SHISAL1: variants seen among roughly 807,000 people sequenced by gnomAD.
SHISAL1 encodes protein shisa-like-1.
SHISAL1 carries 9 observed loss-of-function variants against 22.6 expected under a neutral mutation model. The ratio of observed to expected loss-of-function variants is 0.40; its 90% CI spans 0.24 to 0.70. SHISAL1 has a LOEUF of 0.70. Ranked by LOEUF, SHISAL1 falls within the 30% of genes least tolerant of loss-of-function variation. The probability of loss-of-function intolerance (pLI) is 0.39; values close to 1 mark genes in which losing one functional copy is unlikely to be tolerated. For missense variants in SHISAL1, 246 were observed against 270.6 expected, an observed-to-expected ratio of 0.91 and a Z score of 0.64; for synonymous variants, 119 against 115.4, an observed-to-expected ratio of 1.03 and a Z score of -0.20.
rs113605266 is a variant in SHISAL1 at position 44,281,903 on chromosome 22, C to T, written c.599+3525G>A. The stretch of plus-strand genomic sequence containing the variant: ...GCTCCTAACTCAGTTATAAATCCCA[C>T]GGGCGGGGGACGGCACAACGCCCCA... On this transcript the variant is annotated intron_variant, in intron 4 of 4. Coordinates refer to ENST00000381176, the MANE Select transcript of SHISAL1 (RefSeq NM_001099294.2). Among the ~76,000 whole-genome samples, 14 of 152,218 alleles carry T rather than the reference C, an allele frequency of 9.2e-5. No individual in the cohort carries two copies. In the East Asian group the frequency reaches 1.5e-3, roughly 17 times the overall value.
chr22:44,279,852 G>A (rs2055264222), intron 4 of SHISAL1, among the ~76,000 whole-genome samples: 1 of 152,220 alleles, frequency 6.6e-6, no homozygotes, highest in African/African-American at 2.4e-5. Context: ...CCAGGAACTT[G>A]CTATAAATGC....
chr22:44,322,032 C>T, the SHISAL1 span, among the ~76,000 whole-genome samples: 1 of 152,120 alleles, frequency 6.6e-6, no homozygotes, highest in African/African-American at 2.4e-5. Flanking sequence ...ACCCTGAGGC[C>T]CCACACCAGC....
intron 4 of SHISAL1, among the ~76,000 whole-genome samples, chr22:44,268,224 T>A (rs2055178331): frequency 6.6e-6 from 1 of 152,218 alleles, no homozygotes; most frequent in African/African-American, 2.4e-5. Context: ...AGACATTAAA[T>A]GCCACAAAGT....
At chr22:44,292,005 C>T (rs544365810) in intron 3 of SHISAL1, among the ~76,000 whole-genome samples, 32 of 152,340 alleles carry the variant, frequency 2.1e-4, no homozygotes, top group African/African-American at 6.5e-4. Context: ...GGCATCTCGC[C>T]GTGGTAGTGG....
At chr22:44,324,155 C>T in the SHISAL1 span, among the ~76,000 whole-genome samples, 2 of 152,286 alleles carry the variant, frequency 1.3e-5, no homozygotes, top group Admixed American at 1.3e-4. Context: ...GCCTCAAATC[C>T]TCACAAGCCA....
At chr22:44,326,816 C>G in the SHISAL1 span, among the ~76,000 whole-genome samples, 1 of 152,062 alleles carries the variant, frequency 6.6e-6, no homozygotes, top group Admixed American at 6.5e-5. Context: ...TCAGCTTCTG[C>G]TTCTGTGGAT....
intron 4 of SHISAL1, among the ~76,000 whole-genome samples, chr22:44,261,357 C>T (rs555405792): frequency 6.6e-6 from 1 of 152,104 alleles, no homozygotes; most frequent in East Asian, 1.9e-4. Flanking sequence ...CCTACACATC[C>T]TTCAAGACCT....
rs1601768526 is a variant in SHISAL1 at position 44,245,124 on chromosome 22, C to T, written c.*4561G>A. On this transcript the variant is annotated 3_prime_UTR_variant, in exon 5 of 5. Coordinates refer to ENST00000381176, the MANE Select transcript of SHISAL1 (RefSeq NM_001099294.2). The stretch of plus-strand genomic sequence containing the variant: ...CCCAGTGCTGTGGGGGCCAAGCAGA[C>T]ACCCTCTGATGCCCACCACGTGAGC... The T allele has an allele frequency of 6.6e-6, 1 of 152,270 alleles. No individual in the cohort carries two copies. The highest frequency in any genetic ancestry group is 2.4e-5 in the African/African-American group (1 of 41,464). The allele number at this position is 152,270 out of a possible 1,614,324, so 9.4% of individuals were successfully genotyped here.
Position 44,302,005 on chromosome 22 carries a change from A to T in SHISAL1, c.-32-1028T>A, listed in dbSNP as rs536104238. ...AGGTGCATGGTGGGGAGGGTCGCAC[A>T]ACACTGAATTTACTCAATGCCACTG... On this transcript the variant is annotated intron_variant, in intron 1 of 4. Transcript: ENST00000381176. 2.0e-5 allele frequency among the ~76,000 whole-genome samples: 3 copies of T among 152,258 alleles called. No homozygotes were observed. The South Asian group carries it at 6.2e-4, about 32-fold the overall frequency.
intron 1 of SHISAL1, among the ~76,000 whole-genome samples, chr22:44,305,986 C>T (rs1348702018): frequency 6.6e-6 from 1 of 152,192 alleles, no homozygotes; most frequent in African/African-American, 2.4e-5. Context: ...ACCCGCCGTG[C>T]GTCACGAGAA....
intron 4 of SHISAL1, among the ~76,000 whole-genome samples, chr22:44,258,800 AG>A (rs1223279848): frequency 6.6e-6 from 1 of 152,222 alleles, no homozygotes; most frequent in African/African-American, 2.4e-5. Flanking sequence ...ATACATGAAA[AG>A]TGAAAACACT....
chr22:44,268,471 G>A (rs897789824), intron 4 of SHISAL1, among the ~76,000 whole-genome samples: 78 of 152,322 alleles, frequency 5.1e-4, no homozygotes, highest in Middle Eastern at 3.4e-3. Context: ...TACACAAGGG[G>A]AAAGTGAGGC....
chr22:44,246,753 G>A lies in SHISAL1; in HGVS notation c.*2932C>T, dbSNP rs1173196266. The A allele has an allele frequency of 7.0e-6, 1 of 142,588 alleles. No homozygotes were observed. The highest frequency in any genetic ancestry group is 7.0e-5 in the Admixed American group (1 of 14,200). The allele number at this position is 142,588 out of a possible 1,614,324, so 8.8% of individuals were successfully genotyped here. ...AGACAGCAAGTACCGTGACTAACTG[G>A]TACCCTACCTCACACACTTGACAGG... On this transcript the variant is annotated 3_prime_UTR_variant, in exon 5 of 5. Transcript: ENST00000381176.
chr22:44,283,892 T>C (rs2055293544), intron 4 of SHISAL1, among the ~76,000 whole-genome samples: 1 of 152,080 alleles, frequency 6.6e-6, no homozygotes, highest in Non-Finnish European at 1.5e-5. Flanking sequence ...AGGATCCACA[T>C]TTCAGAACAC....
chr22:44,316,134 C>A (rs1047315981), upstream of SHISAL1, among the ~76,000 whole-genome samples: 1 of 152,116 alleles, frequency 6.6e-6, no homozygotes, highest in Non-Finnish European at 1.5e-5. Context: ...CAGGCCCCCA[C>A]GTGGAATCCA....
chr22:44,287,434 G>A lies in SHISAL1; in HGVS notation c.282-1689C>T, dbSNP rs538400981. ...TCGGGTGCCTGGGAGCTCCTGGCTG[G>A]GAGGTCTCTGCATGTCCTGAGCACA... On this transcript the variant is annotated intron_variant, in intron 3 of 4. Transcript: ENST00000381176. Among the ~76,000 whole-genome samples the A allele has an allele frequency of 9.8e-5, 15 of 152,300 alleles. No individual in the cohort carries two copies. The East Asian group carries it at 2.9e-3, about 29-fold the overall frequency.
intron 1 of SHISAL1, among the ~76,000 whole-genome samples, chr22:44,304,714 A>G (rs1345099322): frequency 6.6e-6 from 1 of 152,150 alleles, no homozygotes; most frequent in Non-Finnish European, 1.5e-5. Context: ...GGGGAGTCCT[A>G]TGGATCAGCC....
chr22:44,266,370 C>T (rs570722230), intron 4 of SHISAL1, among the ~76,000 whole-genome samples: 1 of 141,892 alleles, frequency 7.0e-6, no homozygotes, highest in African/African-American at 2.7e-5. Context: ...GTGGACGAGG[C>T]AGTGGGGTGT....
intron 3 of SHISAL1, among the ~76,000 whole-genome samples, chr22:44,292,427 C>G (rs972842407): frequency 7.2e-5 from 11 of 152,192 alleles, no homozygotes; most frequent in Non-Finnish European, 1.6e-4. Context: ...TCCAGAGCCC[C>G]TCAGATCTTG....
Sources: allele counts gnomAD v4.1 joint callset (sites outside exome capture counted in the v4.1 genomes callset), GRCh38; gene constraint gnomAD v4.1.1; transcripts MANE v1.5; gene names NCBI Gene and HGNC (gene_info 2026-07-23, HGNC 2026-07-21).